Variants in NTM observed in about 807,000 individuals in gnomAD.
NTM encodes the protein neurotrimin, also known as IgLON family member 2.
NTM carries 13 observed loss-of-function variants against 42.1 expected under a neutral mutation model. That is an observed-to-expected ratio of 0.31 (90% CI 0.20 to 0.49). The LOEUF (loss-of-function observed/expected upper bound fraction) is 0.49. Ranked by LOEUF, NTM falls within the 20% of genes least tolerant of loss-of-function variation. NTM has a pLI of 0.99. For synonymous variants in NTM, 187 were observed against 179.2 expected (o/e 1.04, Z -0.35); for missense variants, 373 against 452.8 (o/e 0.82, Z 1.60).
At chr11:131,860,637 C>T (rs1039795665) in intron 1 of NTM, among the ~76,000 whole-genome samples, 5 of 152,182 alleles carry the variant, frequency 3.3e-5, no homozygotes, top group African/African-American at 4.8e-5. Context: ...TACTAGTTAA[C>T]GAACAGTGGA....
chr11:132,239,362 G>T (rs1323663552), intron 4 of NTM, among the ~76,000 whole-genome samples: 1 of 152,190 alleles, frequency 6.6e-6, no homozygotes, highest in Non-Finnish European at 1.5e-5. Flanking sequence ...CAGCCTAAAT[G>T]AATTTAAAAC....
Position 132,304,602 on chromosome 11 carries a change from G to T in NTM, c.527-3087G>T, listed in dbSNP as rs188745591. Among the ~76,000 whole-genome samples, 49 of 152,186 alleles carry T rather than the reference G, an allele frequency of 3.2e-4. No homozygotes were observed. The East Asian group carries it at 5.6e-3, about 17-fold the overall frequency. Reference sequence around the variant, plus strand: ...GCATCTCCTTTAGGAACCTGATTTTGGGTGGTTCAAAGTTTATTTTGTTAT... The same window carrying T: ...GCATCTCCTTTAGGAACCTGATTTTTGGTGGTTCAAAGTTTATTTTGTTAT... On this transcript the variant is annotated intron_variant, in intron 4 of 8. Transcript: ENST00000683400.
chr11:131,449,429 A>G (rs959244721), intron 1 of NTM, among the ~76,000 whole-genome samples: 2 of 152,196 alleles, frequency 1.3e-5, no homozygotes, highest in East Asian at 1.9e-4. Context: ...TAAGGAGCAG[A>G]GGTCCAGTTT....
chr11:132,174,981 G>A (rs149203129), intron 3 of NTM, among the ~76,000 whole-genome samples: 1 of 152,142 alleles, frequency 6.6e-6, no homozygotes, highest in Admixed American at 6.5e-5. Context: ...ATCTGGCATG[G>A]CTGTTCTGAA....
chr11:131,976,783 A>G (rs188165989), intron 2 of NTM, among the ~76,000 whole-genome samples: 2 of 152,324 alleles, frequency 1.3e-5, no homozygotes, highest in Admixed American at 1.3e-4. Context: ...GGTGAGTAGT[A>G]TTTTGCTTTG....
intron 2 of NTM, among the ~76,000 whole-genome samples, chr11:132,043,218 T>G (rs1353550216): frequency 6.6e-6 from 1 of 152,200 alleles, no homozygotes; most frequent in Admixed American, 6.5e-5. Context: ...TGGTTAGTCT[T>G]TCTGCAAGCT....
At chr11:131,632,645 A>G (rs546118139) in intron 1 of NTM, among the ~76,000 whole-genome samples, 1 of 138,426 alleles carries the variant, frequency 7.2e-6, no homozygotes, top group African/African-American at 2.7e-5. Flanking sequence ...CCATAGCACT[A>G]CTTTTCATCT....
chr11:131,494,473 G>A (rs941493585), intron 1 of NTM, among the ~76,000 whole-genome samples: 4 of 152,186 alleles, frequency 2.6e-5, no homozygotes, highest in Admixed American at 1.3e-4. Context: ...AAGTTAGCCA[G>A]GCAAATACAA....
chr11:131,489,763 C>T (rs1446447431), intron 1 of NTM, among the ~76,000 whole-genome samples: 1 of 152,224 alleles, frequency 6.6e-6, no homozygotes, highest in Non-Finnish European at 1.5e-5. Flanking sequence ...AGCCACTTAG[C>T]ATTTTCAATT....
chr11:131,980,181 C>T (rs1016008716), intron 2 of NTM, among the ~76,000 whole-genome samples: 1 of 152,184 alleles, frequency 6.6e-6, no homozygotes, highest in African/African-American at 2.4e-5. Context: ...TACTTCCACC[C>T]ATGTTTCTGG....
chr11:131,742,464 A>C (rs1450685962), intron 1 of NTM, among the ~76,000 whole-genome samples: 1 of 152,178 alleles, frequency 6.6e-6, no homozygotes, highest in African/African-American at 2.4e-5. Context: ...AATCACCAAT[A>C]CAGATAAAAA....
chr11:131,602,687 C>T (rs1393503967), intron 1 of NTM, among the ~76,000 whole-genome samples: 1 of 152,186 alleles, frequency 6.6e-6, no homozygotes, highest in Non-Finnish European at 1.5e-5. Context: ...ATCCATCTGT[C>T]TACTTGACAT....
intron 4 of NTM, among the ~76,000 whole-genome samples, chr11:132,276,372 G>C (rs954406366): frequency 6.6e-6 from 1 of 152,072 alleles, no homozygotes; most frequent in African/African-American, 2.4e-5. Flanking sequence ...GGGATTCTTG[G>C]ATCATAAAAG....
chr11:131,661,179 C>T (rs1057224915), intron 1 of NTM: 2 of 479,962 alleles, frequency 4.2e-6, no homozygotes, highest in African/African-American at 4.1e-5. Flanking sequence ...ATGATGATGG[C>T]TTTGTTCTTT....
At chr11:131,563,967 C>G (rs942548084) in intron 1 of NTM, among the ~76,000 whole-genome samples, 1 of 152,180 alleles carries the variant, frequency 6.6e-6, no homozygotes, top group Non-Finnish European at 1.5e-5. Context: ...AGACCTGACT[C>G]TGCTCCCCAG....
intron 1 of NTM, among the ~76,000 whole-genome samples, chr11:131,402,466 T>C (rs2135696390): frequency 6.7e-6 from 1 of 150,100 alleles, no homozygotes; most frequent in Non-Finnish European, 1.5e-5. Context: ...CAGATTAGTT[T>C]CCATGGGAAG....
chr11:131,991,595 G>A (rs2135117896), intron 2 of NTM, among the ~76,000 whole-genome samples: 1 of 152,266 alleles, frequency 6.6e-6, no homozygotes, highest in African/African-American at 2.4e-5. Context: ...CATGACCAAA[G>A]CCATGTCAAG....
chr11:131,640,797 A>C (rs1358612222), intron 1 of NTM, among the ~76,000 whole-genome samples: 1 of 152,184 alleles, frequency 6.6e-6, no homozygotes, highest in Non-Finnish European at 1.5e-5. Context: ...AAATTGTTTA[A>C]AATCTTCCTA....
intron 1 of NTM, among the ~76,000 whole-genome samples, chr11:131,528,407 C>G (rs1183572224): frequency 6.6e-6 from 1 of 152,164 alleles, no homozygotes; most frequent in Non-Finnish European, 1.5e-5. Flanking sequence ...CACATCTGTT[C>G]TATGAGAGAG....
Sources: allele counts gnomAD v4.1 joint callset (sites outside exome capture counted in the v4.1 genomes callset), GRCh38; gene constraint gnomAD v4.1.1; transcripts MANE v1.5; gene names NCBI Gene and HGNC (gene_info 2026-07-23, HGNC 2026-07-21).